The following NREP variants were observed in gnomAD, a reference collection of about 807,000 sequenced individuals.
NREP encodes the protein neuronal regeneration related protein.
NREP carries 5 observed loss-of-function variants against 8.6 expected under a neutral mutation model. The ratio of observed to expected loss-of-function variants is 0.58; its 90% CI spans 0.30 to 1.22. NREP has a LOEUF of 1.22. Among genes scored for constraint, NREP ranks in the 50% most tolerant of loss-of-function variants. The pLI, the probability that NREP is intolerant of heterozygous loss-of-function variation, is 0.07. For missense variants in NREP, 86 were observed against 82.5 expected (o/e 1.04, Z -0.17); for synonymous variants, 27 against 28.0 (o/e 0.96, Z 0.11).
chr5:111,787,471 G>A (rs80245133), intron 2 of NREP, among the ~76,000 whole-genome samples: 3,165 of 152,102 alleles, frequency 0.021, 42 homozygotes, highest in Non-Finnish European at 0.031. Flanking sequence ...GCCCATGATA[G>A]AGTTGGGGAT....
intron 2 of NREP, among the ~76,000 whole-genome samples, chr5:111,819,846 A>C (rs906605994): frequency 1.3e-5 from 2 of 152,316 alleles, no homozygotes; most frequent in South Asian, 4.1e-4. Flanking sequence ...GGAATACTTG[A>C]CAGTATTTCA....
intron 2 of NREP, among the ~76,000 whole-genome samples, chr5:111,806,497 G>A (rs1188736325): frequency 6.6e-6 from 1 of 152,206 alleles, no homozygotes; most frequent in Admixed American, 6.5e-5. Context: ...GGGGTTTGGA[G>A]AAGAATATGG....
At chr5:111,843,269 T>C (rs1038879903) in intron 2 of NREP, among the ~76,000 whole-genome samples, 4 of 151,966 alleles carry the variant, frequency 2.6e-5, no homozygotes, top group Non-Finnish European at 4.4e-5. Context: ...TGGGTTATTT[T>C]AAATGTCCTT....
At position 111,755,826 on chromosome 5, in the gene NREP, C is replaced by A; in HGVS notation, c.-54G>T. 1.9e-6 allele frequency: 3 copies of A among 1,613,376 alleles called. No homozygotes were observed. The highest frequency in any genetic ancestry group is 2.2e-5 in the East Asian group (1 of 44,874). On this transcript the variant is annotated 5_prime_UTR_variant, in exon 2 of 4. Transcript: ENST00000257435. ...TCTCCCTCTCTTCAGTCCAGGGAGA[C>A]CAACCTGCAAAATATGTTTAAATAC...
chr5:111,771,252 A>T (rs1190905190), intron 2 of NREP, among the ~76,000 whole-genome samples: 1 of 152,154 alleles, frequency 6.6e-6, no homozygotes, highest in East Asian at 1.9e-4. Flanking sequence ...AAGCACATTC[A>T]CCTGTGAAAT....
chr5:111,914,312 T>C (rs2112567698), intron 2 of NREP, among the ~76,000 whole-genome samples: 1 of 152,252 alleles, frequency 6.6e-6, no homozygotes, highest in Admixed American at 6.5e-5. Context: ...AGAGAATCAA[T>C]GTACTTTGTG....
At chr5:111,878,537 G>C (rs1389226021) in intron 2 of NREP, among the ~76,000 whole-genome samples, 1 of 152,058 alleles carries the variant, frequency 6.6e-6, no homozygotes, top group African/African-American at 2.4e-5. Context: ...GGGATTATGG[G>C]GATTACAATT....
intron 2 of NREP, among the ~76,000 whole-genome samples, chr5:111,873,579 C>T (rs1339528310): frequency 6.6e-6 from 1 of 152,156 alleles, no homozygotes; most frequent in Non-Finnish European, 1.5e-5. Context: ...GCCCCTTCCT[C>T]CATCTTCAAA....
chr5:111,755,487 C>T (rs1750641790), intron 2 of NREP: 2 of 421,108 alleles, frequency 4.7e-6, no homozygotes, highest in East Asian at 9.0e-5. Flanking sequence ...TCTTAAAGAA[C>T]CGAATAGTTT....
upstream of NREP, chr5:111,757,520 C>A: frequency 2.0e-6 from 2 of 985,078 alleles, no homozygotes; most frequent in Non-Finnish European, 2.4e-6. Flanking sequence ...GCGCCCCAGC[C>A]TTGCTGCCAC....
At chr5:111,865,133 C>T (rs1753636381) in intron 2 of NREP, among the ~76,000 whole-genome samples, 1 of 152,132 alleles carries the variant, frequency 6.6e-6, no homozygotes, top group Non-Finnish European at 1.5e-5. Context: ...CTACAGTTCT[C>T]CCAGTGCTAA....
chr5:111,892,829 C>A (rs571729354), intron 2 of NREP, among the ~76,000 whole-genome samples: 16 of 151,978 alleles, frequency 1.1e-4, no homozygotes, highest in Non-Finnish European at 2.1e-4. Context: ...TTCCATAAAC[C>A]CTACGAAAAT....
chr5:111,938,593 T>A (rs1041567392), intron 2 of NREP, among the ~76,000 whole-genome samples: 1 of 152,038 alleles, frequency 6.6e-6, no homozygotes, highest in African/African-American at 2.4e-5. Context: ...ATCGGTCACT[T>A]ACTGTATGTG....
chr5:111,752,502 A>C (rs563028039), intron 2 of NREP, among the ~76,000 whole-genome samples: 9 of 152,366 alleles, frequency 5.9e-5, no homozygotes, highest in Non-Finnish European at 4.4e-5. Context: ...CAAGCTATGA[A>C]TAGGACCGCA....
chr5:111,753,021 T>C (rs1205499146), intron 2 of NREP, among the ~76,000 whole-genome samples: 1 of 151,606 alleles, frequency 6.6e-6, no homozygotes, highest in Non-Finnish European at 1.5e-5. Flanking sequence ...CAAATGTAAA[T>C]TAAAGAAATG....
intron 1 of NREP, among the ~76,000 whole-genome samples, chr5:111,756,727 G>GT: frequency 6.6e-6 from 1 of 152,280 alleles, no homozygotes; most frequent in East Asian, 1.9e-4. Flanking sequence ...GTAATCAAGT[G>GT]TAAGGGCGGA....
chr5:111,859,180 T>G (rs1753491514), intron 2 of NREP, among the ~76,000 whole-genome samples: 1 of 152,114 alleles, frequency 6.6e-6, no homozygotes, highest in Non-Finnish European at 1.5e-5. Flanking sequence ...AGCTAGCTCC[T>G]TGTCTCTCAC....
intron 2 of NREP, among the ~76,000 whole-genome samples, chr5:111,860,299 G>A (rs559279708): frequency 7.6e-4 from 115 of 152,112 alleles, no homozygotes; most frequent in Non-Finnish European, 1.5e-3. Context: ...GCCTCTTCCC[G>A]TTTACCTAGA....
At chr5:111,775,138 G>T (rs1367795581) in intron 2 of NREP, among the ~76,000 whole-genome samples, 1 of 152,174 alleles carries the variant, frequency 6.6e-6, no homozygotes, top group East Asian at 1.9e-4. Context: ...CAGTCCTTCT[G>T]CCTTAGCCCC....
Sources: gnomAD v4.1 joint callset for allele counts (sites outside exome capture counted in the v4.1 genomes callset) on GRCh38, gnomAD v4.1.1 for gene constraint, MANE v1.5 for transcripts, NCBI Gene and HGNC (gene_info 2026-07-23, HGNC 2026-07-21) for gene names.